LGR5: variants seen among roughly 807,000 people sequenced by gnomAD.
The protein encoded by LGR5 is leucine-rich repeat-containing G protein-coupled receptor 5.
A neutral mutation model predicts 76.7 loss-of-function variants in LGR5; 54 were observed. The observed-to-expected ratio is 0.70, with a 90% CI of 0.57 to 0.88. The LOEUF (loss-of-function observed/expected upper bound fraction) is 0.88. Ranked by LOEUF, LGR5 falls within the 40% of genes least tolerant of loss-of-function variation. The probability of loss-of-function intolerance (pLI) is 0.00; values close to 1 mark genes in which losing one functional copy is unlikely to be tolerated. For synonymous variants in LGR5, 406 were observed against 421.9 expected, an observed-to-expected ratio of 0.96 and a Z score of 0.46; for missense variants, 1,078 against 1,073.3, an observed-to-expected ratio of 1.00 and a Z score of -0.06.
chr12:71,490,794 T>C lies in LGR5; in HGVS notation c.213-13820T>C, dbSNP rs540250919. On this transcript the variant is annotated intron_variant, in intron 1 of 17. Transcript: ENST00000266674. The stretch of plus-strand genomic sequence containing the variant: ...TGTAAACAAACAATGTAAAACATTT[T>C]GTATAATTCAGAAGGCTTAAAGCTG... Among the ~76,000 whole-genome samples, 11 of 152,308 alleles carry C rather than the reference T, an allele frequency of 7.2e-5. No individual in the cohort carries two copies. In the South Asian group the frequency reaches 2.1e-3, roughly 29 times the overall value.
intron 1 of LGR5, among the ~76,000 whole-genome samples, chr12:71,473,923 T>C (rs1404890963): frequency 6.6e-6 from 1 of 152,126 alleles, no homozygotes; most frequent in East Asian, 1.9e-4. Context: ...AGGTCAGTCT[T>C]CTTGCAACTT....
chr12:71,527,275 T>G (rs1302142278), intron 3 of LGR5, among the ~76,000 whole-genome samples: 9 of 152,164 alleles, frequency 5.9e-5, no homozygotes, highest in African/African-American at 2.2e-4. Flanking sequence ...AGTATTTTGG[T>G]TTTTGTCTTA....
At chr12:71,534,050 A>C (rs1246645548) in intron 3 of LGR5, among the ~76,000 whole-genome samples, 1 of 152,232 alleles carries the variant, frequency 6.6e-6, no homozygotes, top group Non-Finnish European at 1.5e-5. Flanking sequence ...AACCAGGCAG[A>C]TTGTTTCTGA....
intron 2 of LGR5, among the ~76,000 whole-genome samples, chr12:71,515,783 T>C (rs555195929): frequency 6.6e-6 from 1 of 152,356 alleles, no homozygotes; most frequent in African/African-American, 2.4e-5. Flanking sequence ...AGCATGAATT[T>C]ACTAAGTAGT....
At chr12:71,471,349 T>C (rs1241347235) in intron 1 of LGR5, among the ~76,000 whole-genome samples, 1 of 152,160 alleles carries the variant, frequency 6.6e-6, no homozygotes, top group Non-Finnish European at 1.5e-5. Flanking sequence ...CATGATACAA[T>C]ATGAATGAGC....
intron 6 of LGR5, among the ~76,000 whole-genome samples, chr12:71,558,233 C>T (rs1384316753): frequency 1.3e-5 from 2 of 152,206 alleles, no homozygotes; most frequent in African/African-American, 2.4e-5. Flanking sequence ...AAATCACCTT[C>T]CAGCCCTTTT....
chr12:71,530,454 A>G (rs1876247219), intron 3 of LGR5, among the ~76,000 whole-genome samples: 2 of 152,208 alleles, frequency 1.3e-5, no homozygotes, highest in Admixed American at 1.3e-4. Context: ...AAGAGGGCAT[A>G]TGGACAAAGA....
intron 1 of LGR5, among the ~76,000 whole-genome samples, chr12:71,497,679 A>G (rs1592491655): frequency 6.6e-6 from 1 of 152,332 alleles, no homozygotes; most frequent in South Asian, 2.1e-4. Context: ...GCCAAGATCC[A>G]TTGTTGTCAA....
chr12:71,457,320 A>G (rs570248600), intron 1 of LGR5, among the ~76,000 whole-genome samples: 88 of 152,174 alleles, frequency 5.8e-4, no homozygotes, highest in Non-Finnish European at 9.1e-4. Flanking sequence ...AAGAGAAAGT[A>G]TGGAGATTTT....
chr12:71,466,978 GAAGGCAAA>G (rs1293416601), intron 1 of LGR5, among the ~76,000 whole-genome samples: 2 of 150,604 alleles, frequency 1.3e-5, no homozygotes, highest in Non-Finnish European at 3.0e-5. Flanking sequence ...GGAGGATGAG[GAAGGCAAA>G]AAGGCAAATA....
chr12:71,456,390 G>A (rs1306909788), intron 1 of LGR5, among the ~76,000 whole-genome samples: 1 of 152,142 alleles, frequency 6.6e-6, no homozygotes, highest in East Asian at 1.9e-4. Context: ...AAAGAAAGCT[G>A]GCAGGGTTGT....
At chr12:71,458,253 G>T (rs1451154412) in intron 1 of LGR5, among the ~76,000 whole-genome samples, 2 of 152,006 alleles carry the variant, frequency 1.3e-5, no homozygotes, top group African/African-American at 4.8e-5. Flanking sequence ...CTGCGCTAGG[G>T]TTCTTAGATA....
intron 1 of LGR5, among the ~76,000 whole-genome samples, chr12:71,476,963 G>T (rs4237866): frequency 0.78 from 119,296 of 152,148 alleles, 47,223 homozygotes; most frequent in Middle Eastern, 0.88. Context: ...GACAGAAAAG[G>T]AACTTAAAAA....
At chr12:71,529,369 T>G (rs1876182608) in intron 3 of LGR5, among the ~76,000 whole-genome samples, 1 of 152,080 alleles carries the variant, frequency 6.6e-6, no homozygotes, top group Admixed American at 6.6e-5. Flanking sequence ...AGGGGGGATC[T>G]GCCACACACT....
intron 2 of LGR5, among the ~76,000 whole-genome samples, chr12:71,510,344 T>C (rs1476684606): frequency 6.6e-6 from 1 of 152,192 alleles, no homozygotes; most frequent in African/African-American, 2.4e-5. Context: ...ATATCGGTCA[T>C]TGTGTATATA....
At chr12:71,487,635 A>G (rs1873890673) in intron 1 of LGR5, among the ~76,000 whole-genome samples, 1 of 151,862 alleles carries the variant, frequency 6.6e-6, no homozygotes, top group Non-Finnish European at 1.5e-5. Flanking sequence ...CTCATCTCTA[A>G]CTCCTGGCCT....
At chr12:71,565,422 C>CTATATATATATATATATATATA (rs1209363296) in intron 8 of LGR5, among the ~76,000 whole-genome samples, 333 of 13,524 alleles carry the variant, frequency 0.025, 7 homozygotes, top group Admixed American at 0.037. Context: ...ATCAATTGAG[C>CTATATATATATATATATATATA]TATATATATA....
At chr12:71,516,411 A>C (rs1357438423) in intron 2 of LGR5, among the ~76,000 whole-genome samples, 1 of 152,194 alleles carries the variant, frequency 6.6e-6, no homozygotes, top group Non-Finnish European at 1.5e-5. Context: ...CTTAACTCTG[A>C]AAATGCTACT....
intron 1 of LGR5, among the ~76,000 whole-genome samples, chr12:71,443,099 C>CA (rs969517480): frequency 2.7e-4 from 41 of 152,064 alleles, no homozygotes; most frequent in African/African-American, 9.2e-4. Flanking sequence ...CAATCCCCTT[C>CA]AAAAAAAGAA....
Sources: allele counts gnomAD v4.1 joint callset (sites outside exome capture counted in the v4.1 genomes callset), GRCh38; gene constraint gnomAD v4.1.1; transcripts MANE v1.5; gene names NCBI Gene and HGNC (gene_info 2026-07-23, HGNC 2026-07-21).